SLF1: variants seen among roughly 807,000 people sequenced by gnomAD.
The protein encoded by SLF1 is SMC5/6 complex localization factor 1, also known as SMC5-SMC6 complex localization factor protein 1.
Under a neutral mutation model 123.0 loss-of-function variants are expected in SLF1, and 105 were observed. The observed-to-expected ratio is 0.85, with a 90% confidence interval of 0.73 to 1.00. SLF1 has a LOEUF of 1.00. SLF1 is among the 50% of genes least tolerant of loss of function. The pLI, the probability that SLF1 is intolerant of heterozygous loss-of-function variation, is 0.00. For synonymous variants in SLF1, 434 were observed against 406.6 expected, an observed-to-expected ratio of 1.07 and a Z score of -0.81; for missense variants, 1,239 against 1,223.0, an observed-to-expected ratio of 1.01 and a Z score of -0.20.
intron 12 of SLF1, among the ~76,000 whole-genome samples, chr5:94,669,481 T>C (rs1213274622): frequency 1.3e-5 from 2 of 152,104 alleles, no homozygotes; most frequent in African/African-American, 4.8e-5. Flanking sequence ...CTATTCTCTT[T>C]AGAAATATAT....
intron 9 of SLF1, among the ~76,000 whole-genome samples, chr5:94,657,143 T>C (rs1748500218): frequency 6.6e-6 from 1 of 151,630 alleles, no homozygotes; most frequent in Admixed American, 6.6e-5. Flanking sequence ...TTAAGTTGAT[T>C]ATTTGAGATC....
In SLF1 at chr5:94,670,231, A is replaced by C. The variant is rs1449727334; in HGVS notation, c.1613A>C (p.Lys538Thr). 58 of 1,516,404 alleles carry C rather than the reference A, an allele frequency of 3.8e-5. No individual in the cohort carries two copies. The highest frequency in any genetic ancestry group is 5.1e-5 in the East Asian group (2 of 38,870). The allele number at this position is 1,516,404 out of a possible 1,614,324, so 93.9% of individuals were successfully genotyped here. The change falls in exon 13 of 21, where the codon AAA (lysine) becomes ACA (threonine). Residue 538 changes from lysine (K) to threonine (T), a missense_variant. Transcript: ENST00000265140. ...GSKVLHLTLL[K>T]FFFNLIESEV... The stretch of plus-strand genomic sequence containing the variant: ...AAGGTGCTCCACCTGACGCTACTCA[A>C]ATTTTTCTTTAATTTAATTGAAAGT...
At chr5:94,644,139 T>C (rs975914762) in intron 5 of SLF1, among the ~76,000 whole-genome samples, 1 of 152,176 alleles carries the variant, frequency 6.6e-6, no homozygotes. Context: ...TCTCTTTCTG[T>C]ACTAACATCA....
intron 8 of SLF1, 72 bp from the exon 9 acceptor site, chr5:94,654,558 C>T: frequency 4.0e-6 from 5 of 1,248,332 alleles, no homozygotes; most frequent in Non-Finnish European, 4.3e-6. Flanking sequence ...TTATATTGTC[C>T]TTTGTGATAT....
intron 9 of SLF1, among the ~76,000 whole-genome samples, chr5:94,656,791 C>G (rs896235219): frequency 3.3e-5 from 5 of 151,454 alleles, no homozygotes; most frequent in African/African-American, 1.2e-4. Flanking sequence ...CTCTAATATT[C>G]TTTTGTGTTT....
At chr5:94,633,047 G>A (rs10039797) in intron 4 of SLF1, among the ~76,000 whole-genome samples, 81,405 of 151,618 alleles carry the variant, frequency 0.54, 22,028 homozygotes, top group African/African-American at 0.6. Context: ...CTGGAGTGCA[G>A]TGGCGTGATC....
chr5:94,660,280 C>A (rs1221113793), intron 9 of SLF1, among the ~76,000 whole-genome samples: 1 of 152,154 alleles, frequency 6.6e-6, no homozygotes, highest in African/African-American at 2.4e-5. Flanking sequence ...AGGCCCCTGA[C>A]GGTGGGCGTG....
At chr5:94,687,009 C>G (rs905485929) in intron 16 of SLF1, among the ~76,000 whole-genome samples, 2 of 152,190 alleles carry the variant, frequency 1.3e-5, no homozygotes, top group African/African-American at 4.8e-5. Context: ...CGTGATCTGC[C>G]TGCCTCGGCC....
chr5:94,634,059 T>C (rs1474651509), intron 4 of SLF1, among the ~76,000 whole-genome samples: 1 of 152,194 alleles, frequency 6.6e-6, no homozygotes, highest in Non-Finnish European at 1.5e-5. Context: ...TTTCGTTTCT[T>C]CTTTGACCCA....
chr5:94,671,507 T>C (rs1360695225), intron 14 of SLF1, among the ~76,000 whole-genome samples: 1 of 151,874 alleles, frequency 6.6e-6, no homozygotes. Context: ...TCAAGGATAA[T>C]AGCGTATATA....
intron 9 of SLF1, among the ~76,000 whole-genome samples, chr5:94,655,883 C>G (rs1245549204): frequency 6.6e-6 from 1 of 151,760 alleles, no homozygotes; most frequent in Non-Finnish European, 1.5e-5. Flanking sequence ...CATATGAGAT[C>G]ATGTCGTCTC....
chr5:94,660,335 T>A (rs1453395055), intron 9 of SLF1, among the ~76,000 whole-genome samples: 1 of 152,172 alleles, frequency 6.6e-6, no homozygotes, highest in Non-Finnish European at 1.5e-5. Context: ...ACAGGCCTCA[T>A]ATCAGCGTGC....
chr5:94,632,842 A>C (rs1289348703), intron 4 of SLF1, among the ~76,000 whole-genome samples: 1 of 151,732 alleles, frequency 6.6e-6, no homozygotes, highest in East Asian at 1.9e-4. Context: ...CTGGGACTAC[A>C]GGTGCCCGGC....
chr5:94,677,847 A>G (rs913570265), intron 14 of SLF1, among the ~76,000 whole-genome samples: 4 of 152,288 alleles, frequency 2.6e-5, no homozygotes, highest in African/African-American at 9.6e-5. Context: ...CACGCTTAGA[A>G]GGTTTGTATG....
intron 8 of SLF1, among the ~76,000 whole-genome samples, chr5:94,654,396 A>AG: frequency 8.1e-6 from 1 of 123,962 alleles, no homozygotes; most frequent in Non-Finnish European, 1.9e-5. Flanking sequence ...AGTAAAAAGA[A>AG]AAAAAAAAAA....
rs185518027 is a variant in SLF1, at chr5:94,673,388, A to G, written c.1827+2380A>G. Among the ~76,000 whole-genome samples, 141 of 152,030 alleles carry G rather than the reference A, an allele frequency of 9.3e-4. 1 individual carries two copies. Among genetic ancestry groups the G allele is most frequent in the African/African-American group, 3.3e-3 (136 of 41,478 alleles). ...TAGTTTTCTTCTCTAAGTGGGTTCA[A>G]TTGAGGCCGGGTGCAGTGGTTCCTG... On this transcript the variant is annotated intron_variant, in intron 14 of 20. Transcript: ENST00000265140.
chr5:94,621,034 A>G (rs1791739082), intron 1 of SLF1, among the ~76,000 whole-genome samples: 1 of 152,204 alleles, frequency 6.6e-6, no homozygotes, highest in Admixed American at 6.5e-5. Context: ...AATGCTTTGA[A>G]ATTTTAGGCA....
intron 4 of SLF1, among the ~76,000 whole-genome samples, chr5:94,636,153 T>C (rs955049552): frequency 6.6e-6 from 1 of 152,226 alleles, no homozygotes; most frequent in Non-Finnish European, 1.5e-5. Context: ...AAGCCACTGG[T>C]AATTACGTTC....
rs960839208 is a variant in SLF1, at chr5:94,695,160, G to C, written c.3025G>C (p.Asp1009His). 1 of 1,612,802 alleles carries C rather than the reference G, an allele frequency of 6.2e-7. No individual in the cohort carries two copies. Among genetic ancestry groups the C allele is most frequent in the Non-Finnish European group, 8.5e-7 (1 of 1,179,146 alleles). The change falls in exon 21 of 21, where the codon GAT (aspartate) becomes CAT (histidine). Residue 1009 changes from aspartate to histidine, a missense_variant. Coordinates refer to ENST00000265140, the MANE Select transcript of SLF1 (RefSeq NM_032290.4). ...TTSVHTDWLLDLYAGNIKTLQ... is the reference protein window; with the variant it reads ...TTSVHTDWLLHLYAGNIKTLQ... ...CAGTGTTCATACTGACTGGTTACTG[G>C]ATCTTTATGCTGGAAATATAAAGAC...
Sources: gnomAD v4.1 joint callset for allele counts (sites outside exome capture counted in the v4.1 genomes callset) on GRCh38, gnomAD v4.1.1 for gene constraint, MANE v1.5 for transcripts, NCBI Gene and HGNC (gene_info 2026-07-23, HGNC 2026-07-21) for gene names.